CEP120: variants seen among roughly 807,000 people sequenced by gnomAD.
CEP120 encodes the protein centrosomal protein of 120 kDa.
Under a neutral mutation model 126.5 loss-of-function variants are expected in CEP120, and 113 were observed. The observed-to-expected ratio is 0.89, with a 90% CI of 0.77 to 1.04. The LOEUF (loss-of-function observed/expected upper bound fraction) is 1.04, where lower values mean the gene tolerates loss of function less well. Ranked by LOEUF, CEP120 falls within the 50% of genes least tolerant of loss-of-function variation. The pLI is 0.00. For missense variants in CEP120, 1,230 were observed against 1,155.7 expected (o/e 1.06, Z -0.93); for synonymous variants, 400 against 394.3 (o/e 1.01, Z -0.17).
chr5:123,358,176 TTTAATATATCTTATGTTACAAAA>T, intron 18 of CEP120: 1 of 150,750 alleles, frequency 6.6e-6, no homozygotes, highest in East Asian at 1.9e-4. Context: ...CAAAAAGACT[TTTAATATATCTTATGTTACAAAA>T]TTATGACAAA....
At chr5:123,400,539 C>G (rs1411162682) in intron 4 of CEP120, among the ~76,000 whole-genome samples, 3 of 151,700 alleles carry the variant, frequency 2.0e-5, no homozygotes, top group Non-Finnish European at 2.9e-5. Context: ...AGGTGTCAAT[C>G]TGAATTGACA....
At chr5:123,412,581 A>C (rs781432734) in intron 3 of CEP120, 41 bp from the exon 4 acceptor site, 1 of 1,463,076 alleles carries the variant, frequency 6.8e-7, no homozygotes, top group Non-Finnish European at 9.3e-7. Flanking sequence ...ATAGTTAATA[A>C]GGGAAAAAAC....
At chr5:123,380,874 C>T (rs1465800995) in intron 14 of CEP120, among the ~76,000 whole-genome samples, 1 of 152,018 alleles carries the variant, frequency 6.6e-6, no homozygotes, top group Non-Finnish European at 1.5e-5. Flanking sequence ...CAGGATAACT[C>T]GCATAATGTT....
intron 16 of CEP120, among the ~76,000 whole-genome samples, chr5:123,375,186 T>C (rs1020369005): frequency 2.0e-5 from 3 of 152,118 alleles, no homozygotes; most frequent in African/African-American, 7.2e-5. Context: ...CCCCCTTTTT[T>C]TCCCCCAGGT....
Position 123,389,562 on chromosome 5 carries a change from G to A in CEP120, c.1255+362C>T, listed in dbSNP as rs185301598. ...GTTGCCCAGGCTGGAGTGCAATGGC[G>A]CGATCTTGGCTCACCACAACCTCCA... On this transcript the variant is annotated intron_variant, in intron 8 of 19. Coordinates refer to ENST00000306467, the MANE Select transcript of CEP120 (RefSeq NM_001375405.1). Among the ~76,000 whole-genome samples, 552 of 146,940 alleles carry A rather than the reference G, an allele frequency of 3.8e-3. 4 individuals are homozygous for A. The highest frequency in any genetic ancestry group is 5.9e-3 in the Non-Finnish European group (386 of 65,690).
intron 18 of CEP120, among the ~76,000 whole-genome samples, chr5:123,354,764 A>G (rs898731093): frequency 8.5e-6 from 1 of 117,886 alleles, no homozygotes; most frequent in African/African-American, 3.3e-5. Context: ...GTTAGAATTC[A>G]ACCATCCTAT....
chr5:123,358,382 A>T (rs1769809071), intron 18 of CEP120: 1 of 152,092 alleles, frequency 6.6e-6, no homozygotes, highest in African/African-American at 2.4e-5. Context: ...TGTATATTTC[A>T]TTTTAAAGTT....
rs575260326 is a variant in CEP120, at chr5:123,385,406, C to A, written c.1581-273G>T. 5.3e-5 allele frequency among the ~76,000 whole-genome samples: 8 copies of A among 152,214 alleles called. No homozygotes were observed. The East Asian group carries it at 1.5e-3, about 29-fold the overall frequency. ...TTCTGTTTAGATACACAAATACTTA[C>A]CTTTGTCCAACTGCCTACAGTATTC... On this transcript the variant is annotated intron_variant, in intron 10 of 19. Transcript: ENST00000306467.
intron 18 of CEP120, among the ~76,000 whole-genome samples, chr5:123,361,105 T>C (rs971468016): frequency 6.6e-6 from 1 of 151,768 alleles, no homozygotes; most frequent in Admixed American, 6.6e-5. Flanking sequence ...TTTCAGCTGA[T>C]TTGGGTAATG....
At chr5:123,347,318 A>T (rs1366333) in intron 19 of CEP120, among the ~76,000 whole-genome samples, 104,224 of 151,948 alleles carry the variant, frequency 0.69, 35,876 homozygotes, top group Middle Eastern at 0.73. Context: ...TTGTTGTTGT[A>T]TTGAACATAT....
intron 18 of CEP120, among the ~76,000 whole-genome samples, chr5:123,356,240 C>G (rs1019313928): frequency 3.3e-5 from 5 of 152,020 alleles, no homozygotes; most frequent in Non-Finnish European, 5.9e-5. Context: ...GTTCTTTTGG[C>G]TTAGGATTGA....
At chr5:123,368,739 TA>T (rs1770648157) in intron 17 of CEP120, among the ~76,000 whole-genome samples, 1 of 151,920 alleles carries the variant, frequency 6.6e-6, no homozygotes, top group Non-Finnish European at 1.5e-5. Flanking sequence ...ATCAAAAGAT[TA>T]TTTGTCTTTT....
chr5:123,361,711 G>A (rs1770087882), intron 18 of CEP120, among the ~76,000 whole-genome samples: 1 of 151,748 alleles, frequency 6.6e-6, no homozygotes, highest in Admixed American at 6.6e-5. Flanking sequence ...GAAAGCTACT[G>A]TCCAATTAGG....
intron 3 of CEP120, among the ~76,000 whole-genome samples, chr5:123,413,414 A>T (rs928268664): frequency 6.6e-6 from 1 of 152,152 alleles, no homozygotes; most frequent in Non-Finnish European, 1.5e-5. Flanking sequence ...CTTGACTGAT[A>T]CTCGAACAAA....
chr5:123,398,311 G>T (rs13184896), intron 5 of CEP120, among the ~76,000 whole-genome samples: 61,416 of 151,918 alleles, frequency 0.4, 12,485 homozygotes, highest in East Asian at 0.48. Context: ...CCGCTGTTGG[G>T]AAGGCAATCT....
intron 14 of CEP120, among the ~76,000 whole-genome samples, chr5:123,380,501 T>C (rs1303350194): frequency 6.6e-6 from 1 of 152,102 alleles, no homozygotes; most frequent in Non-Finnish European, 1.5e-5. Context: ...GGTAGAAGTG[T>C]ATAAATGGAA....
Position 123,393,424 on chromosome 5 carries a change from T to G in CEP120, c.686A>C (p.Asp229Ala), listed in dbSNP as rs761606203. The G allele has an allele frequency of 6.2e-7, 1 of 1,614,130 alleles. No homozygotes were observed. The highest frequency in any genetic ancestry group is 8.5e-7 in the Non-Finnish European group (1 of 1,179,996). Residue 229 changes from aspartate (D) to alanine (A), a missense_variant, in exon 6 of 20, where the codon GAT (aspartate) becomes GCT (alanine). Physicochemically the swap from Asp to Ala is moderately radical, Grantham distance 126 (BLOSUM62 -2). Coordinates refer to ENST00000306467, the MANE Select transcript of CEP120 (RefSeq NM_001375405.1). ...ATCATTGAAGGGTTCATTTGTAACATCATTTCCCAGTAAAGAGTAGTAAAA... is the reference window on the plus strand; with the variant it reads ...ATCATTGAAGGGTTCATTTGTAACAGCATTTCCCAGTAAAGAGTAGTAAAA... Reference protein sequence around the residue: ...FFFYYSLLGNDVTNEPFNDLI... With the variant: ...FFFYYSLLGNAVTNEPFNDLI...
At chr5:123,350,943 T>C (rs1769160464) in intron 18 of CEP120, among the ~76,000 whole-genome samples, 1 of 152,240 alleles carries the variant, frequency 6.6e-6, no homozygotes, top group Admixed American at 6.5e-5. Context: ...ATAGGACACC[T>C]TGTCATCTAT....
chr5:123,381,397 G>A (rs1771639259), intron 14 of CEP120, among the ~76,000 whole-genome samples: 1 of 151,742 alleles, frequency 6.6e-6, no homozygotes, highest in African/African-American at 2.4e-5. Flanking sequence ...GAGCCCTGTA[G>A]AGCCATCCCC....
Sources: gnomAD v4.1 joint callset for allele counts (sites outside exome capture counted in the v4.1 genomes callset) on GRCh38, gnomAD v4.1.1 for gene constraint, MANE v1.5 for transcripts, NCBI Gene and HGNC (gene_info 2026-07-23, HGNC 2026-07-21) for gene names.